The following ESYT3 variants were observed in gnomAD, a reference collection of about 807,000 sequenced individuals.
ESYT3 encodes extended synaptotagmin 3.
In ESYT3, 101 loss-of-function variants were observed where a neutral mutation model predicts 111.5. The ratio of observed to expected loss-of-function variants is 0.91; its 90% CI spans 0.77 to 1.07. The LOEUF (loss-of-function observed/expected upper bound fraction) is 1.07. ESYT3 is among the 50% of genes least tolerant of loss of function. The pLI is 0.00. For missense variants in ESYT3, 1,097 were observed against 1,109.4 expected, an observed-to-expected ratio of 0.99 and a Z score of 0.16; for synonymous variants, 416 against 446.8, an observed-to-expected ratio of 0.93 and a Z score of 0.87.
At chr3:138,458,669 G>T (rs2032439104) in intron 4 of ESYT3, among the ~76,000 whole-genome samples, 2 of 152,216 alleles carry the variant, frequency 1.3e-5, no homozygotes, top group African/African-American at 4.8e-5. Flanking sequence ...AGAGCCACTG[G>T]GTGGACTTGG....
intron 8 of ESYT3, 42 bp from the exon 9 acceptor site, chr3:138,464,303 C>T: frequency 6.2e-7 from 1 of 1,607,112 alleles, no homozygotes; most frequent in South Asian, 1.1e-5. Flanking sequence ...ACTTGGAGGC[C>T]CCAGGAAGCA....
chr3:138,471,122 G>A, intron 17 of ESYT3, 96 bp downstream of exon 17: 3 of 1,001,174 alleles, frequency 3.0e-6, no homozygotes, highest in South Asian at 2.8e-5. Flanking sequence ...CTGTGTGCCT[G>A]GAAGAAGCCA....
intron 1 of ESYT3, among the ~76,000 whole-genome samples, chr3:138,446,034 T>G (rs1173691150): frequency 1.3e-5 from 2 of 152,188 alleles, no homozygotes; most frequent in African/African-American, 4.8e-5. Context: ...GTAATCTTGT[T>G]TAAGTACTAA....
intron 1 of ESYT3, 89 bp from the exon 2 acceptor site, chr3:138,451,959 C>T (rs370851948): frequency 1.1e-5 from 16 of 1,456,346 alleles, no homozygotes; most frequent in Non-Finnish European, 1.3e-5. Flanking sequence ...AGCGCGTGGG[C>T]GGAATGGGAA....
intron 14 of ESYT3, 150 bp downstream of exon 14, chr3:138,469,031 C>T: frequency 7.1e-6 from 6 of 845,222 alleles, no homozygotes; most frequent in Non-Finnish European, 9.9e-6. Flanking sequence ...CTACTGTGTG[C>T]CAGGCACTAG....
chr3:138,434,973 A>G lies in ESYT3; in HGVS notation c.175A>G (p.Ile59Val). 6.4e-7 allele frequency: 1 copy of G among 1,556,754 alleles called. No individual in the cohort carries two copies. Among genetic ancestry groups the G allele is most frequent in the Non-Finnish European group, 8.7e-7 (1 of 1,149,452 alleles). The change falls in exon 1 of 23, where the codon ATA (isoleucine) becomes GTA (valine). Residue 59 changes from isoleucine to valine, a missense_variant. Coordinates refer to ENST00000389567, the MANE Select transcript of ESYT3 (RefSeq NM_031913.5). ...VYLAGYLGLSITWLLLGALLW... is the reference protein window; with the variant it reads ...VYLAGYLGLSVTWLLLGALLW... ...CCTAGCTGGCTACCTGGGGCTCAGC[A>G]TAACCTGGTTGCTGCTCGGCGCCCT...
At chr3:138,453,933 TGCCTCA>T (rs1338590581) in intron 2 of ESYT3, among the ~76,000 whole-genome samples, 1 of 152,218 alleles carries the variant, frequency 6.6e-6, no homozygotes, top group Non-Finnish European at 1.5e-5. Context: ...ACGATCCTCC[TGCCTCA>T]GCCTCCCAAG....
chr3:138,472,791 C>T lies in ESYT3; in HGVS notation c.2169C>T (p.Pro723=), dbSNP rs2033295002. 1.2e-6 allele frequency: 2 copies of T among 1,614,228 alleles called. No individual in the cohort carries two copies. The highest frequency in any genetic ancestry group is 2.7e-5 in the African/African-American group (2 of 75,066). ...PFAWPPKRLA[P]SMSSLNSLAS... Reference sequence around the variant, plus strand: ...CATGGCCGCCCAAGAGGCTGGCTCCCAGCATGTCCTCGCTCAACTCCTTGG... The same window carrying T: ...CATGGCCGCCCAAGAGGCTGGCTCCTAGCATGTCCTCGCTCAACTCCTTGG... The change falls in exon 18 of 23, where the codon CCC becomes CCT. Residue 723 remains proline, a synonymous_variant. Coordinates refer to ENST00000389567, the MANE Select transcript of ESYT3 (RefSeq NM_031913.5).
chr3:138,460,745 G>A, intron 7 of ESYT3, 79 bp downstream of exon 7: 1 of 1,442,234 alleles, frequency 6.9e-7, no homozygotes, highest in Admixed American at 1.7e-5. Flanking sequence ...CAGGAGCTGT[G>A]CAATGGTGGT....
At chr3:138,445,702 C>T (rs925104490) in intron 1 of ESYT3, among the ~76,000 whole-genome samples, 1 of 152,160 alleles carries the variant, frequency 6.6e-6, no homozygotes, top group Non-Finnish European at 1.5e-5. Flanking sequence ...CTGCACCTCC[C>T]AGGTCTGTAC....
chr3:138,459,320 CAGGTCATGCCAG>C, intron 5 of ESYT3, 67 bp downstream of exon 5: 1 of 1,341,202 alleles, frequency 7.5e-7, no homozygotes, highest in Non-Finnish European at 1.0e-6. Context: ...AAGGGGAAGC[CAGGTCATGCCAG>C]AGTAGGCCGC....
At position 138,455,193 on chromosome 3, in the gene ESYT3, G is replaced by A; in HGVS notation, c.370-1G>A. 6.2e-7 allele frequency: 1 copy of A among 1,614,182 alleles called. No homozygotes were observed. Among genetic ancestry groups the A allele is most frequent in the Non-Finnish European group, 8.5e-7 (1 of 1,180,024 alleles). On this transcript the variant is annotated splice_acceptor_variant, in intron 2 of 22. Coordinates refer to ENST00000389567, the MANE Select transcript of ESYT3 (RefSeq NM_031913.5). LOFTEE classifies it high-confidence loss of function. Reference sequence around the variant, plus strand: ...CCAAGAGCCTCTTCCCGTCTTCACAGATCATCTCTCAGACCTGGCCCTACC... The same window carrying A: ...CCAAGAGCCTCTTCCCGTCTTCACAAATCATCTCTCAGACCTGGCCCTACC...
chr3:138,478,899 C>A lies in ESYT3; in HGVS notation c.*2045C>A, dbSNP rs765235006. ...AACATCATCTTGGTACAGAAACCCCCAAACCTAAGACGGAATGTGAATATT... is the reference window on the plus strand; with the variant it reads ...AACATCATCTTGGTACAGAAACCCCAAAACCTAAGACGGAATGTGAATATT... On this transcript the variant is annotated 3_prime_UTR_variant, in exon 23 of 23. Coordinates refer to ENST00000389567, the MANE Select transcript of ESYT3 (RefSeq NM_031913.5). 1 of 152,102 alleles carries A rather than the reference C, an allele frequency of 6.6e-6. No homozygotes were observed. Among genetic ancestry groups the A allele is most frequent in the Admixed American group, 6.6e-5 (1 of 15,266 alleles). The allele number at this position is 152,102 out of a possible 1,614,324, so 9.4% of individuals were successfully genotyped here.
intron 2 of ESYT3, among the ~76,000 whole-genome samples, chr3:138,452,799 C>T (rs2032030279): frequency 6.6e-6 from 1 of 152,214 alleles, no homozygotes; most frequent in Non-Finnish European, 1.5e-5. Context: ...CAAACCTTGC[C>T]TCTGGGAGGA....
rs188922790 is a variant in ESYT3, at chr3:138,442,148, C to T, written c.327+7023C>T. ...TTTTTTTTCTGGTCATGAAAGTAAA[C>T]ATTCTCATTGGAGAATATTTGGAAA... On this transcript the variant is annotated intron_variant, in intron 1 of 22. Coordinates refer to ENST00000389567, the MANE Select transcript of ESYT3 (RefSeq NM_031913.5). Among the ~76,000 whole-genome samples the T allele has an allele frequency of 2.3e-3, 341 of 151,174 alleles. 1 individual carries two copies. The highest frequency in any genetic ancestry group is 3.8e-3 in the Non-Finnish European group (255 of 67,806).
At chr3:138,454,004 C>G (rs146119814) in intron 2 of ESYT3, among the ~76,000 whole-genome samples, 515 of 152,318 alleles carry the variant, frequency 3.4e-3, no homozygotes, top group South Asian at 0.01. Context: ...CTTTTTGATG[C>G]ACTCAGCAAT....
At chr3:138,465,488 T>C in intron 10 of ESYT3, 67 bp downstream of exon 10, 1 of 1,275,070 alleles carries the variant, frequency 7.8e-7, no homozygotes, top group Non-Finnish European at 1.1e-6. Context: ...CTGGGCTAGA[T>C]ACCCTGCTCC....
downstream of ESYT3, chr3:138,480,275 G>A (rs2033663325): frequency 6.6e-6 from 1 of 152,088 alleles, no homozygotes; most frequent in Non-Finnish European, 1.5e-5. Flanking sequence ...CAGAAATGTT[G>A]AAAGTAAAAA....
intron 4 of ESYT3, among the ~76,000 whole-genome samples, chr3:138,458,451 C>A (rs1463895100): frequency 6.6e-6 from 1 of 152,226 alleles, no homozygotes; most frequent in Non-Finnish European, 1.5e-5. Context: ...CCCGGGGTCC[C>A]CATCTTCCCC....
Sources: allele counts gnomAD v4.1 joint callset (sites outside exome capture counted in the v4.1 genomes callset), GRCh38; gene constraint gnomAD v4.1.1; transcripts MANE v1.5; gene names NCBI Gene and HGNC (gene_info 2026-07-23, HGNC 2026-07-21).